CTNNA3: variants seen among roughly 807,000 people sequenced by gnomAD.
CTNNA3 encodes catenin alpha-3.
Under a neutral mutation model 95.7 loss-of-function variants are expected in CTNNA3, and 76 were observed. The observed-to-expected ratio is 0.79, with a 90% CI of 0.66 to 0.96. The LOEUF (loss-of-function observed/expected upper bound fraction) is 0.96, where lower values mean the gene tolerates loss of function less well. CTNNA3 is among the 40% of genes least tolerant of loss of function. The probability of loss-of-function intolerance (pLI) is 0.00; values close to 1 mark genes in which losing one functional copy is unlikely to be tolerated. For synonymous variants in CTNNA3, 431 were observed against 374.4 expected, an observed-to-expected ratio of 1.15 and a Z score of -1.74; for missense variants, 1,191 against 1,089.8, an observed-to-expected ratio of 1.09 and a Z score of -1.31.
intron 7 of CTNNA3, among the ~76,000 whole-genome samples, chr10:66,778,995 T>TAAATA (rs1589245741): frequency 6.6e-6 from 1 of 151,826 alleles, no homozygotes; most frequent in East Asian, 1.9e-4. Flanking sequence ...TAAATAAAAA[T>TAAATA]AAATAAAATA....
At chr10:67,567,553 GT>G (rs1434510782) in intron 3 of CTNNA3, among the ~76,000 whole-genome samples, 1 of 152,092 alleles carries the variant, frequency 6.6e-6, no homozygotes, top group East Asian at 1.9e-4. Flanking sequence ...ATCTATGCAA[GT>G]AATAAAATTA....
chr10:66,952,103 C>T (rs1346288198), intron 7 of CTNNA3, among the ~76,000 whole-genome samples: 3 of 152,218 alleles, frequency 2.0e-5, no homozygotes, highest in East Asian at 1.9e-4. Flanking sequence ...TCCATTTTCT[C>T]CCCCCAATAT....
intron 7 of CTNNA3, among the ~76,000 whole-genome samples, chr10:66,957,395 TATATATATATATATATATGC>T (rs1221086937): frequency 1.5e-5 from 1 of 67,452 alleles, no homozygotes; most frequent in African/African-American, 5.3e-5. Flanking sequence ...TATATATACA[TATATATATATATATATATGC>T]ATATATATAT....
intron 14 of CTNNA3, among the ~76,000 whole-genome samples, chr10:66,079,721 G>A (rs1284424178): frequency 2.6e-5 from 4 of 151,708 alleles, no homozygotes; most frequent in African/African-American, 9.7e-5. Context: ...GATTCAATAT[G>A]ACCAAGACTA....
At chr10:66,071,968 G>A (rs2080445031) in intron 14 of CTNNA3, among the ~76,000 whole-genome samples, 1 of 152,160 alleles carries the variant, frequency 6.6e-6, no homozygotes. Flanking sequence ...CTAAAAGAGA[G>A]GTCGGCAGAA....
intron 7 of CTNNA3, among the ~76,000 whole-genome samples, chr10:66,882,975 G>GC: frequency 6.6e-6 from 1 of 152,042 alleles, no homozygotes; most frequent in Non-Finnish European, 1.5e-5. Flanking sequence ...GCACCATCTG[G>GC]CCCCTAGATC....
intron 5 of CTNNA3, among the ~76,000 whole-genome samples, chr10:67,406,912 C>T (rs940346164): frequency 1.2e-4 from 19 of 152,062 alleles, no homozygotes; most frequent in Non-Finnish European, 2.7e-4. Flanking sequence ...GCTCTGAAAT[C>T]AAATCAGTAA....
intron 15 of CTNNA3, among the ~76,000 whole-genome samples, chr10:66,041,135 G>A (rs1325055792): frequency 1.3e-5 from 2 of 152,220 alleles, no homozygotes; most frequent in Admixed American, 1.3e-4. Context: ...ACTGTAGCAT[G>A]CCTGCCAAAA....
intron 2 of CTNNA3, among the ~76,000 whole-genome samples, chr10:67,644,954 G>C (rs1839659427): frequency 6.6e-6 from 1 of 152,042 alleles, no homozygotes; most frequent in Non-Finnish European, 1.5e-5. Context: ...GTATGTAAAA[G>C]GTAATGAGTT....
intron 7 of CTNNA3, among the ~76,000 whole-genome samples, chr10:66,974,008 G>T (rs1172752831): frequency 2.0e-5 from 3 of 152,094 alleles, no homozygotes; most frequent in African/African-American, 7.2e-5. Flanking sequence ...TTTACCAACT[G>T]TATACACCAG....
chr10:67,516,143 T>C (rs1004840566), intron 5 of CTNNA3, among the ~76,000 whole-genome samples: 24 of 152,284 alleles, frequency 1.6e-4, no homozygotes, highest in African/African-American at 5.5e-4. Flanking sequence ...TTTGTATTTT[T>C]AGTAGAGACG....
intron 7 of CTNNA3, among the ~76,000 whole-genome samples, chr10:67,048,006 C>T (rs1854856376): frequency 6.6e-6 from 1 of 151,988 alleles, no homozygotes; most frequent in Non-Finnish European, 1.5e-5. Flanking sequence ...AAGAACAGTA[C>T]CATGTGTTCT....
chr10:66,931,959 ATAT>A (rs1204842010), intron 7 of CTNNA3, among the ~76,000 whole-genome samples: 1 of 152,174 alleles, frequency 6.6e-6, no homozygotes, highest in East Asian at 1.9e-4. Context: ...ACAAATTTTA[ATAT>A]TATATCAAAA....
intron 17 of CTNNA3, among the ~76,000 whole-genome samples, chr10:65,948,604 C>G (rs1414176048): frequency 6.6e-6 from 1 of 151,964 alleles, no homozygotes; most frequent in African/African-American, 2.4e-5. Context: ...CATATTATTA[C>G]CACAAATCCG....
chr10:66,684,527 A>G (rs1847178443), intron 9 of CTNNA3, among the ~76,000 whole-genome samples: 1 of 152,186 alleles, frequency 6.6e-6, no homozygotes, highest in Non-Finnish European at 1.5e-5. Flanking sequence ...TTTCTATAAT[A>G]GGCTTAGTGC....
chr10:66,685,313 G>GTATATATA (rs1564617351), intron 9 of CTNNA3, among the ~76,000 whole-genome samples: 1,080 of 30,158 alleles, frequency 0.036, 26 homozygotes, highest in Middle Eastern at 0.059. Context: ...ATATATGTGT[G>GTATATATA]TGTGTATGTG....
intron 9 of CTNNA3, among the ~76,000 whole-genome samples, chr10:66,652,746 T>C (rs933628502): frequency 1.3e-5 from 2 of 152,052 alleles, no homozygotes; most frequent in East Asian, 1.9e-4. Flanking sequence ...CTCAACAAAA[T>C]ACTAGCAAAC....
chr10:66,980,945 T>C (rs1283412641), intron 7 of CTNNA3, among the ~76,000 whole-genome samples: 2 of 152,178 alleles, frequency 1.3e-5, no homozygotes, highest in African/African-American at 2.4e-5. Context: ...TCACTCTTGT[T>C]GCCCAGGCTG....
intron 7 of CTNNA3, among the ~76,000 whole-genome samples, chr10:66,933,599 T>C (rs1011219973): frequency 6.6e-6 from 1 of 152,182 alleles, no homozygotes; most frequent in African/African-American, 2.4e-5. Context: ...ATCAGTCACA[T>C]GATATCTGCT....
Sources: gnomAD v4.1 joint callset for allele counts (sites outside exome capture counted in the v4.1 genomes callset) on GRCh38, gnomAD v4.1.1 for gene constraint, MANE v1.5 for transcripts, NCBI Gene and HGNC (gene_info 2026-07-23, HGNC 2026-07-21) for gene names.